RPS6KA2: variants seen among roughly 807,000 people sequenced by gnomAD.
The protein encoded by RPS6KA2 is ribosomal protein S6 kinase alpha-2.
In RPS6KA2, 42 loss-of-function variants were observed where a neutral mutation model predicts 91.8. The observed-to-expected ratio is 0.46, with a 90% CI of 0.36 to 0.59. The LOEUF (loss-of-function observed/expected upper bound fraction) is 0.59. Among genes scored for constraint, RPS6KA2 ranks in the 20% least tolerant of loss-of-function variants. The pLI, the probability that RPS6KA2 is intolerant of heterozygous loss-of-function variation, is 0.00. For missense variants in RPS6KA2, 798 were observed against 978.5 expected (o/e 0.82, Z 2.46); for synonymous variants, 414 against 393.6 (o/e 1.05, Z -0.61).
intron 2 of RPS6KA2, among the ~76,000 whole-genome samples, chr6:166,709,863 C>T (rs1789792930): frequency 6.6e-6 from 1 of 152,188 alleles, no homozygotes; most frequent in South Asian, 2.1e-4. Context: ...TGACTGATCA[C>T]AGCTGAGAAC....
At chr6:166,674,755 G>A (rs1428908911) in intron 2 of RPS6KA2, among the ~76,000 whole-genome samples, 4 of 152,136 alleles carry the variant, frequency 2.6e-5, no homozygotes, top group Admixed American at 6.5e-5. Flanking sequence ...TGCAACCTCC[G>A]CCTCCCGGGT....
At chr6:166,846,457 C>T (rs9348194) in intron 2 of RPS6KA2, among the ~76,000 whole-genome samples, 117,457 of 151,986 alleles carry the variant, frequency 0.77, 45,824 homozygotes, top group Non-Finnish European at 0.83. Context: ...GCAAAAATCC[C>T]CAACAAAATA....
chr6:166,566,785 C>T (rs1295112061), intron 1 of RPS6KA2, among the ~76,000 whole-genome samples: 1 of 152,206 alleles, frequency 6.6e-6, no homozygotes, highest in African/African-American at 2.4e-5. Flanking sequence ...TCCCTGACAG[C>T]CCCACTCCTG....
At chr6:166,520,874 C>A (rs1209562515) in intron 3 of RPS6KA2, among the ~76,000 whole-genome samples, 1 of 152,258 alleles carries the variant, frequency 6.6e-6, no homozygotes, top group Admixed American at 6.5e-5. Flanking sequence ...AGAAACATGA[C>A]CCTGCAGCCA....
intron 2 of RPS6KA2, among the ~76,000 whole-genome samples, chr6:166,716,775 C>G (rs9366049): frequency 2.0e-5 from 3 of 152,080 alleles, no homozygotes; most frequent in African/African-American, 7.3e-5. Context: ...ACGGAAGTAC[C>G]AGAATAAAGT....
rs1019998738 is a variant in RPS6KA2, at chr6:166,508,964, A to T, written c.380-682T>A. ...GGAGGGTCTAGAGAAGCCCGTCACC[A>T]TCGCTGCTGTGACGATGGTTGCTGC... On this transcript the variant is annotated intron_variant, in intron 4 of 20. Transcript: ENST00000265678. The surrounding 1 kb of genome is among the most constrained non-coding windows in gnomAD (Gnocchi z 4.3). 6.6e-6 allele frequency among the ~76,000 whole-genome samples: 1 copy of T among 152,214 alleles called. No individual in the cohort carries two copies. The highest frequency in any genetic ancestry group is 2.4e-5 in the African/African-American group (1 of 41,464).
intron 19 of RPS6KA2, 104 bp from the exon 20 acceptor site, chr6:166,414,035 C>A (rs1305830396): frequency 6.8e-6 from 7 of 1,032,346 alleles, no homozygotes; most frequent in Admixed American, 4.4e-5. Context: ...AACACCCAAC[C>A]ACTATGCTGA....
intron 2 of RPS6KA2, among the ~76,000 whole-genome samples, chr6:166,789,620 G>C (rs905683586): frequency 1.3e-5 from 2 of 152,158 alleles, no homozygotes; most frequent in Non-Finnish European, 2.9e-5. Flanking sequence ...CCCCAGTAGG[G>C]GCAGACTGAC....
At chr6:166,643,310 A>C (rs1428606619) in intron 2 of RPS6KA2, among the ~76,000 whole-genome samples, 1 of 152,256 alleles carries the variant, frequency 6.6e-6, no homozygotes, top group Admixed American at 6.5e-5. Flanking sequence ...AGTGCCAAAT[A>C]GGTTTACAAT....
chr6:166,692,847 G>A (rs147110578), intron 2 of RPS6KA2, among the ~76,000 whole-genome samples: 1 of 152,250 alleles, frequency 6.6e-6, no homozygotes, highest in Non-Finnish European at 1.5e-5. Context: ...AGAGCATGTC[G>A]CCTAAGTTAG....
chr6:166,713,885 C>T (rs1278859737), intron 2 of RPS6KA2, among the ~76,000 whole-genome samples: 1 of 152,160 alleles, frequency 6.6e-6, no homozygotes, highest in Admixed American at 6.5e-5. Flanking sequence ...TAGTGCGCCC[C>T]TCATAGTCAG....
intron 2 of RPS6KA2, among the ~76,000 whole-genome samples, chr6:166,765,828 A>T (rs1305154124): frequency 6.6e-6 from 1 of 152,220 alleles, no homozygotes; most frequent in Non-Finnish European, 1.5e-5. Context: ...AGAAACAGTG[A>T]TTATGAAGAA....
chr6:166,783,784 AACTACATATATAC>A lies in RPS6KA2; in HGVS notation c.123+74403_123+74415del, dbSNP rs1562437061. 4.4e-4 allele frequency among the ~76,000 whole-genome samples: 67 copies of A among 150,648 alleles called. 4 individuals carry two copies. Among genetic ancestry groups the A allele is most frequent in the Admixed American group, 2.3e-3 (34 of 15,088 alleles). ...TATACACATGTGCACATCTATCTAT[AACTACATATATAC>A]ACGTGCACAGTTACCTGTAACCACA... On this transcript the variant is annotated intron_variant, in intron 2 of 21. Coordinates refer to the RPS6KA2 transcript ENST00000503859.
In RPS6KA2 at chr6:166,658,036, C is replaced by T. The variant is rs145402917; in HGVS notation, c.124-119252G>A. Among the ~76,000 whole-genome samples the T allele has an allele frequency of 2.9e-3, 445 of 152,298 alleles. 2 individuals carry two copies. Among genetic ancestry groups the T allele is most frequent in the South Asian group, 0.017 (81 of 4,822 alleles). On this transcript the variant is annotated intron_variant, in intron 2 of 21. Transcript: ENST00000503859. ...GTAGCTGGGATACAGGCATGTGCCA[C>T]CATGCCTGGCTAATTTTGCATTTTT...
chr6:166,436,535 G>T (rs868607048), intron 14 of RPS6KA2, among the ~76,000 whole-genome samples: 1 of 152,208 alleles, frequency 6.6e-6, no homozygotes, highest in African/African-American at 2.4e-5. Flanking sequence ...GGGGAGGTGC[G>T]CCCTGACAGG....
intron 2 of RPS6KA2, among the ~76,000 whole-genome samples, chr6:166,817,392 C>T (rs1389033420): frequency 1.1e-5 from 1 of 94,492 alleles, no homozygotes; most frequent in Non-Finnish European, 2.6e-5. Context: ...GAAACACACA[C>T]ACGCATGTAA....
At chr6:166,469,725 C>T in intron 11 of RPS6KA2, 116 bp downstream of exon 11, 2 of 953,016 alleles carry the variant, frequency 2.1e-6, no homozygotes. Flanking sequence ...TGTCTACATT[C>T]ACCTCCGACC....
chr6:166,493,054 G>T lies in RPS6KA2; in HGVS notation c.748-2313C>A, dbSNP rs1397977331. Among the ~76,000 whole-genome samples, 4 of 152,014 alleles carry T rather than the reference G, an allele frequency of 2.6e-5. No individual in the cohort carries two copies. Among genetic ancestry groups the T allele is most frequent in the African/African-American group, 9.7e-5 (4 of 41,380 alleles). On this transcript the variant is annotated intron_variant, in intron 8 of 20. Transcript: ENST00000265678. The surrounding 1 kb of genome is among the most constrained non-coding windows in gnomAD (Gnocchi z 4.7). ...GTCTGGTGATTTCTTTTTAGCTTTT[G>T]AAGATGATTCCCTTGTGATCAGGGT...
At chr6:166,748,652 C>G (rs181648586) in intron 2 of RPS6KA2, among the ~76,000 whole-genome samples, 6 of 78,246 alleles carry the variant, frequency 7.7e-5, no homozygotes, top group East Asian at 5.3e-4. Flanking sequence ...CCTTGGGCCC[C>G]CACCTCCTCA....
Sources: gnomAD v4.1 joint callset for allele counts (sites outside exome capture counted in the v4.1 genomes callset) on GRCh38, gnomAD v4.1.1 for gene constraint, Gnocchi (gnomAD v3.1) non-coding constraint, MANE v1.5 for transcripts, NCBI Gene and HGNC (gene_info 2026-07-23, HGNC 2026-07-21) for gene names.